The following SQSTM1 variants were observed in gnomAD, a reference collection of about 807,000 sequenced individuals.
SQSTM1 encodes sequestosome 1, also known as sequestosome-1.
SQSTM1 carries 36 observed loss-of-function variants against 45.1 expected under a neutral mutation model. The observed-to-expected ratio is 0.80, with a 90% CI of 0.61 to 1.05. The LOEUF (loss-of-function observed/expected upper bound fraction) is 1.05, where lower values mean the gene tolerates loss of function less well. Among genes scored for constraint, SQSTM1 ranks in the 50% least tolerant of loss-of-function variants. The pLI is 0.00. For missense variants in SQSTM1, 617 were observed against 607.1 expected (o/e 1.02, Z -0.17); for synonymous variants, 290 against 244.3 (o/e 1.19, Z -1.74).
intron 1 of SQSTM1, 102 bp from the exon 2 acceptor site, chr5:179,822,856 G>C: frequency 1.0e-6 from 1 of 957,664 alleles, no homozygotes; most frequent in Non-Finnish European, 1.7e-6. Flanking sequence ...TTTGTTTATA[G>C]CCCTGTGAGT....
intron 5 of SQSTM1, among the ~76,000 whole-genome samples, chr5:179,831,541 A>G (rs1758218618): frequency 1.3e-5 from 2 of 152,106 alleles, no homozygotes; most frequent in South Asian, 4.1e-4. Context: ...ACGTGCCTAT[A>G]GTCCCAGCTA....
At chr5:179,832,251 A>G (rs1294133933) in intron 5 of SQSTM1, among the ~76,000 whole-genome samples, 2 of 152,166 alleles carry the variant, frequency 1.3e-5, no homozygotes, top group Admixed American at 6.5e-5. Flanking sequence ...GGGGGCAGGG[A>G]GTGTGCACCA....
At chr5:179,810,450 C>A (rs1275228200) in intron 1 of SQSTM1, among the ~76,000 whole-genome samples, 2 of 152,162 alleles carry the variant, frequency 1.3e-5, no homozygotes, top group African/African-American at 4.8e-5. Flanking sequence ...TGAACTCATT[C>A]TTTTTTATGG....
upstream of SQSTM1, among the ~76,000 whole-genome samples, chr5:179,815,644 C>T (rs750714305): frequency 6.6e-6 from 1 of 152,154 alleles, no homozygotes; most frequent in Non-Finnish European, 1.5e-5. Flanking sequence ...GTGTGCATTT[C>T]GTCCGCCAGC....
intron 5 of SQSTM1, among the ~76,000 whole-genome samples, chr5:179,826,563 G>A (rs1306732734): frequency 1.3e-5 from 2 of 151,032 alleles, no homozygotes; most frequent in Non-Finnish European, 2.9e-5. Context: ...GTTTAGAGGT[G>A]AAGTCAGAGA....
At chr5:179,833,965 GCT>G (rs1452774750) in intron 7 of SQSTM1, among the ~76,000 whole-genome samples, 183 bp downstream of exon 7, 3 of 152,158 alleles carry the variant, frequency 2.0e-5, no homozygotes, top group African/African-American at 7.2e-5. Context: ...TAGCGAGTAA[GCT>G]CTGCTAATGC....
chr5:179,815,962 CAG>C (rs144845717), upstream of SQSTM1, among the ~76,000 whole-genome samples: 1,241 of 152,186 alleles, frequency 8.2e-3, 17 homozygotes, highest in African/African-American at 0.026. Flanking sequence ...AGTGGGTGCA[CAG>C]GGACTCGCAG....
At chr5:179,832,940 C>G in intron 5 of SQSTM1, 92 bp from the exon 6 acceptor site, 1 of 1,285,124 alleles carries the variant, frequency 7.8e-7, no homozygotes, top group Non-Finnish European at 1.1e-6. Flanking sequence ...TTGAGATCTT[C>G]GTGAGTCTGT....
chr5:179,807,827 A>G (rs1169636951), intron 1 of SQSTM1: 1 of 151,930 alleles, frequency 6.6e-6, no homozygotes, highest in Non-Finnish European at 1.5e-5. Flanking sequence ...TAATTTTTGT[A>G]TTTTTAGTAG....
chr5:179,807,423 G>C (rs1269965066), intron 1 of SQSTM1: 1 of 152,370 alleles, frequency 6.6e-6, no homozygotes, highest in Admixed American at 6.5e-5. Context: ...AGGCGGGAAC[G>C]ATGGGCCTTT....
At position 179,833,149 on chromosome 5, in the gene SQSTM1, C is replaced by T. The variant is rs1758322167; in HGVS notation, c.872C>T (p.Ser291Phe). 1 of 1,614,084 alleles carries T rather than the reference C, an allele frequency of 6.2e-7. No homozygotes were observed. Among genetic ancestry groups the T allele is most frequent in the African/African-American group, 1.3e-5 (1 of 74,938 alleles). Residue 291 changes from serine to phenylalanine, a missense_variant, in exon 6 of 8, where the codon TCT becomes TTT. Coordinates refer to ENST00000389805, the MANE Select transcript of SQSTM1 (RefSeq NM_003900.5). ...AGCTCACAGCCAAGCAGCTGCTGCT[C>T]TGACCCCAGCAAGCCGGGTGGGAAT... ...KSSSQPSSCC[S>F]DPSKPGGNVE...
upstream of SQSTM1, chr5:179,820,898 G>A (rs764726476): frequency 6.1e-6 from 9 of 1,465,928 alleles, no homozygotes; most frequent in East Asian, 1.7e-4. Flanking sequence ...CGGCGGCTGC[G>A]ACCGGGACGG....
At chr5:179,817,328 C>G (rs961856263), upstream of SQSTM1, among the ~76,000 whole-genome samples, 1 of 152,184 alleles carries the variant, frequency 6.6e-6, no homozygotes, top group Admixed American at 6.5e-5. Flanking sequence ...GCCGGGCGTT[C>G]GTCCTCCATC....
chr5:179,816,999 C>G (rs990117842), upstream of SQSTM1, among the ~76,000 whole-genome samples: 8 of 152,174 alleles, frequency 5.3e-5, no homozygotes, highest in Admixed American at 1.3e-4. Flanking sequence ...CTCGAGAACA[C>G]CGGGGACTTG....
At chr5:179,812,631 G>C (rs1342296805) in intron 2 of SQSTM1, 1 of 152,226 alleles carries the variant, frequency 6.6e-6, no homozygotes, top group Non-Finnish European at 1.5e-5. Flanking sequence ...TCTCATATCC[G>C]GGAAGGGCTC....
intron 7 of SQSTM1, chr5:179,835,393 A>G (rs1490022609): frequency 6.2e-6 from 1 of 161,448 alleles, no homozygotes; most frequent in East Asian, 1.9e-4. Context: ...CAGCCTGGGC[A>G]CCATTGAGCA....
At chr5:179,820,328 G>A (rs1229760605), upstream of SQSTM1, 2 of 152,488 alleles carry the variant, frequency 1.3e-5, no homozygotes, top group Non-Finnish European at 2.9e-5. Flanking sequence ...GCTCAGGCCA[G>A]AGTCGGGGTC....
rs1486264557 is a variant in SQSTM1 at position 179,824,335 on chromosome 5, G to A, written c.673+12G>A. ...CACGGCAGAATCAGGTGAGGCTTGT[G>A]TTGGAACCTGCTTCTGATTGGTGAC... On this transcript the variant is annotated intron_variant, in intron 4 of 7. Transcript: ENST00000389805. 1 of 1,613,288 alleles carries A rather than the reference G, an allele frequency of 6.2e-7. No homozygotes were observed. Among genetic ancestry groups the A allele is most frequent in the African/African-American group, 1.3e-5 (1 of 74,932 alleles).
In SQSTM1 at chr5:179,806,518, C is replaced by T. The variant is rs758517604; in HGVS notation, c.-230C>T. ...GGCCGCTGAGTGCCGCGTACCAGGA[C>T]AGCGAGAGGAAGGCGCACAGGCAGA... On this transcript the variant is annotated 5_prime_UTR_variant, in exon 1 of 6. Transcript: ENST00000514093. This position sits in a 1 kb window ranked among gnomAD's most constrained non-coding sequence, Gnocchi z 4.6. The T allele has an allele frequency of 9.0e-6, 12 of 1,338,946 alleles. No individual in the cohort carries two copies. The South Asian group carries it at 1.4e-4, about 16-fold the overall frequency. 82.9% of individuals were successfully genotyped at this position (1,338,946 alleles called of 1,614,324 possible).
Sources: gnomAD v4.1 joint callset for allele counts (sites outside exome capture counted in the v4.1 genomes callset) on GRCh38, gnomAD v4.1.1 for gene constraint, Gnocchi (gnomAD v3.1) non-coding constraint, MANE v1.5 for transcripts, NCBI Gene and HGNC (gene_info 2026-07-23, HGNC 2026-07-21) for gene names.